The following ELFN2 variants were observed in gnomAD, a reference collection of about 807,000 sequenced individuals.
The protein encoded by ELFN2 is extracellular leucine rich repeat and fibronectin type III domain containing 2, also known as protein phosphatase 1 regulatory subunit 29.
Under a neutral mutation model 45.5 loss-of-function variants are expected in ELFN2, and 17 were observed. That is an observed-to-expected ratio of 0.37 (90% CI 0.26 to 0.56). The LOEUF (loss-of-function observed/expected upper bound fraction) is 0.56, where lower values mean the gene tolerates loss of function less well. ELFN2 is among the 20% of genes least tolerant of loss of function. The pLI is 0.77. For synonymous variants in ELFN2, 550 were observed against 551.5 expected, an observed-to-expected ratio of 1.00 and a Z score of 0.04; for missense variants, 922 against 1,183.2, an observed-to-expected ratio of 0.78 and a Z score of 3.24.
At chr22:37,416,342 G>A (rs1222181319) in intron 2 of ELFN2, among the ~76,000 whole-genome samples, 1 of 152,158 alleles carries the variant, frequency 6.6e-6, no homozygotes, top group Admixed American at 6.5e-5. Context: ...TCCCCAGAAC[G>A]TGCCTGCTGG....
chr22:37,407,435 A>G (rs7291956), intron 2 of ELFN2, among the ~76,000 whole-genome samples: 29,959 of 152,096 alleles, frequency 0.2, 4,515 homozygotes, highest in African/African-American at 0.43. Context: ...CCAGCCTCAC[A>G]GTGCTTTCAC....
intron 2 of ELFN2, among the ~76,000 whole-genome samples, chr22:37,410,767 C>G (rs558552841): frequency 2.9e-4 from 44 of 152,368 alleles, no homozygotes; most frequent in African/African-American, 1.0e-3. Flanking sequence ...GCCGGAGCCC[C>G]ACGGCCAGCG....
At position 37,373,120 on chromosome 22, in the gene ELFN2, A is replaced by G; in HGVS notation, c.2415T>C (p.His805=). 1 of 1,611,350 alleles carries G rather than the reference A, an allele frequency of 6.2e-7. No individual in the cohort carries two copies. The highest frequency in any genetic ancestry group is 8.5e-7 in the Non-Finnish European group (1 of 1,178,008). The change falls in exon 3 of 3, where the codon CAT becomes CAC. Residue 805 remains histidine, a synonymous_variant. Transcript: ENST00000402918. The stretch of plus-strand genomic sequence containing the variant: ...CCCCCTTCCAGTAATCAAGGATGTC[A>G]TGCAGATCCTCGTCCTTGGCGAACT... ...KVQFAKDEDL[H]DILDYWKGVS...
chr22:37,355,208 C>T (rs1205760213), intron 1 of ELFN2, among the ~76,000 whole-genome samples: 1 of 152,222 alleles, frequency 6.6e-6, no homozygotes, highest in Non-Finnish European at 1.5e-5. Flanking sequence ...TGACAGAAAT[C>T]CCTGCTCAGT....
chr22:37,343,090 CAG>C (rs577037626), intron 1 of ELFN2, among the ~76,000 whole-genome samples: 63 of 152,276 alleles, frequency 4.1e-4, no homozygotes, highest in African/African-American at 1.4e-3. Flanking sequence ...TTCAATTTCA[CAG>C]AGAGACTGAG....
intron 1 of ELFN2, among the ~76,000 whole-genome samples, chr22:37,354,994 C>T (rs1268670190): frequency 6.6e-6 from 1 of 152,156 alleles, no homozygotes; most frequent in Non-Finnish European, 1.5e-5. Context: ...CTTAACCTGG[C>T]AACCTACCTA....
chr22:37,388,009 C>T (rs371934520), intron 2 of ELFN2, among the ~76,000 whole-genome samples: 2 of 151,964 alleles, frequency 1.3e-5, no homozygotes, highest in East Asian at 1.9e-4. Context: ...GAGGCACCCA[C>T]ACCTCCCCAC....
At chr22:37,383,789 C>G (rs9610726) in intron 2 of ELFN2, among the ~76,000 whole-genome samples, 116,139 of 152,196 alleles carry the variant, frequency 0.76, 44,725 homozygotes, top group African/African-American at 0.87. Context: ...TAACAAGAAC[C>G]ACACAGCACC....
Position 37,393,841 on chromosome 22 carries a change from A to G in ELFN2, c.-462-17845T>C, listed in dbSNP as rs569611263. Among the ~76,000 whole-genome samples, 5 of 152,094 alleles carry G rather than the reference A, an allele frequency of 3.3e-5. No individual in the cohort carries two copies. The East Asian group carries it at 9.7e-4, about 29-fold the overall frequency. On this transcript the variant is annotated intron_variant, in intron 2 of 2. Transcript: ENST00000402918. ...CCCAAGCTCTTCCTTTATAGGCCCG[A>G]TCTCTGCCTAATGGAGCTGCAGGCG...
At chr22:37,384,591 C>T (rs1273562112) in intron 2 of ELFN2, among the ~76,000 whole-genome samples, 1 of 126,216 alleles carries the variant, frequency 7.9e-6, no homozygotes, top group African/African-American at 3.1e-5. Flanking sequence ...TTGCCCTTGC[C>T]TCCCCCACCT....
At chr22:37,393,839 C>G (rs1385010278) in intron 2 of ELFN2, among the ~76,000 whole-genome samples, 1 of 152,188 alleles carries the variant, frequency 6.6e-6, no homozygotes, top group African/African-American at 2.4e-5. Context: ...TTTATAGGCC[C>G]GATCTCTGCC....
rs1055222131 is a variant in ELFN2, at chr22:37,371,855, GC to G, written c.*1216del. The G allele has an allele frequency of 1.3e-5, 2 of 152,512 alleles. No individual in the cohort carries two copies. The highest frequency in any genetic ancestry group is 4.8e-5 in the African/African-American group (2 of 41,472). The allele number at this position is 152,512 out of a possible 1,614,324, so 9.4% of individuals were successfully genotyped here. The stretch of plus-strand genomic sequence containing the variant: ...TGGCCATTGCCACGGAAACATGGGA[GC>G]CCCTCTGGCCAGGGGGCCAGGCCTG... On this transcript the variant is annotated 3_prime_UTR_variant, in exon 3 of 3. Coordinates refer to ENST00000402918, the MANE Select transcript of ELFN2 (RefSeq NM_052906.5). This position sits in a 1 kb window ranked among gnomAD's most constrained non-coding sequence, Gnocchi z 6.4.
Position 37,370,337 on chromosome 22 carries a change from T to A in ELFN2, c.*2735A>T, listed in dbSNP as rs1468536106. ...CGTGCTCCTTCTTCCCACGGGTTCC[T>A]TTCTCAAAGCCCCCACCCTCTCCCT... is the stretch of plus-strand genomic sequence containing the variant. On this transcript the variant is annotated 3_prime_UTR_variant, in exon 3 of 3. Transcript: ENST00000402918. 6.6e-6 allele frequency: 1 copy of A among 151,854 alleles called. No homozygotes were observed. The highest frequency in any genetic ancestry group is 1.5e-5 in the Non-Finnish European group (1 of 68,032). 9.4% of individuals were successfully genotyped at this position (151,854 alleles called of 1,614,324 possible).
intron 2 of ELFN2, among the ~76,000 whole-genome samples, chr22:37,398,570 A>G (rs2145668155): frequency 6.7e-6 from 1 of 149,418 alleles, no homozygotes; most frequent in South Asian, 2.1e-4. Flanking sequence ...ACAGCAGCCC[A>G]AGGAAGCCTC....
chr22:37,419,756 G>T (rs1406548112), intron 1 of ELFN2, among the ~76,000 whole-genome samples: 1 of 152,130 alleles, frequency 6.6e-6, no homozygotes, highest in Non-Finnish European at 1.5e-5. Context: ...CACACCCCCA[G>T]CACAGCCACG....
chr22:37,393,943 A>C (rs1932145728), intron 2 of ELFN2, among the ~76,000 whole-genome samples: 1 of 152,092 alleles, frequency 6.6e-6, no homozygotes, highest in South Asian at 2.1e-4. Flanking sequence ...GAGCACTGCA[A>C]ATGAAGCGTG....
At chr22:37,379,211 G>A (rs776767718) in intron 2 of ELFN2, among the ~76,000 whole-genome samples, 3 of 152,192 alleles carry the variant, frequency 2.0e-5, no homozygotes, top group Admixed American at 6.5e-5. Flanking sequence ...TGATAGATGG[G>A]GGGCGCAGGG....
intron 2 of ELFN2, among the ~76,000 whole-genome samples, chr22:37,410,636 G>A (rs906394602): frequency 2.0e-5 from 3 of 152,186 alleles, no homozygotes; most frequent in African/African-American, 7.2e-5. Flanking sequence ...GACGAGCCGG[G>A]CACTGACCGG....
At chr22:37,404,568 C>T (rs1932448802) in intron 2 of ELFN2, among the ~76,000 whole-genome samples, 1 of 152,066 alleles carries the variant, frequency 6.6e-6, no homozygotes, top group Non-Finnish European at 1.5e-5. Context: ...CAGAGGAACA[C>T]CCCAAAGGAG....
Sources: allele counts gnomAD v4.1 joint callset (sites outside exome capture counted in the v4.1 genomes callset), GRCh38; gene constraint gnomAD v4.1.1; non-coding constraint Gnocchi (gnomAD v3.1); transcripts MANE v1.5; gene names NCBI Gene and HGNC (gene_info 2026-07-23, HGNC 2026-07-21).